The following SPTBN4 variants were observed in gnomAD, a reference collection of about 807,000 sequenced individuals.
SPTBN4 encodes the protein spectrin beta, non-erythrocytic 4.
Under a neutral mutation model 277.8 loss-of-function variants are expected in SPTBN4, and 96 were observed. The observed-to-expected ratio is 0.35, with a 90% CI of 0.29 to 0.41. The LOEUF is 0.41. SPTBN4 is among the 10% of genes least tolerant of loss of function. The pLI is 1.00. For synonymous variants in SPTBN4, 1,481 were observed against 1,580.3 expected (o/e 0.94, Z 1.49); for missense variants, 3,006 against 3,595.7 (o/e 0.84, Z 4.19).
At chr19:40,475,094 T>C (rs895891663) in intron 2 of SPTBN4, among the ~76,000 whole-genome samples, 14 of 152,066 alleles carry the variant, frequency 9.2e-5, no homozygotes, top group Admixed American at 5.3e-4. Context: ...TTTATAGTTA[T>C]AGAAAGACCT....
At chr19:40,504,687 A>C (rs1472473811) in intron 12 of SPTBN4, among the ~76,000 whole-genome samples, 2 of 151,702 alleles carry the variant, frequency 1.3e-5, no homozygotes, top group Non-Finnish European at 2.9e-5. Context: ...AAACAAAAAA[A>C]ACAAAAAACA....
Position 40,490,179 on chromosome 19 carries a change from G to C in SPTBN4, c.426G>C (p.Ser142=), listed in dbSNP as rs147052708. ...GCGTGCACCTGGAGAACGTGGGTTC[G>C]CATGACATCGTGGATGGGAATCACC... ...EQRVHLENVG[S]HDIVDGNHRL... The change falls in exon 4 of 36, where the codon TCG becomes TCC. Residue 142 remains serine, a synonymous_variant. Coordinates refer to ENST00000598249, the MANE Select transcript of SPTBN4 (RefSeq NM_020971.3). The surrounding 1 kb of genome is among the most constrained non-coding windows in gnomAD (Gnocchi z 4.3). 7 of 1,614,098 alleles carry C rather than the reference G, an allele frequency of 4.3e-6. No individual in the cohort carries two copies. The African/African-American group carries it at 8.0e-5, about 18-fold the overall frequency.
rs1273735919 is a variant in SPTBN4 at position 40,515,769 on chromosome 19, T to C, written c.2903+321T>C. 6.6e-6 allele frequency among the ~76,000 whole-genome samples: 1 copy of C among 151,592 alleles called. No homozygotes were observed. Among genetic ancestry groups the C allele is most frequent in the Non-Finnish European group, 1.5e-5 (1 of 67,962 alleles). Reference sequence around the variant, plus strand: ...CCGGGCACAGTGGCTCATACTGTAATCCCAGCACTTCAGGAGGCTGAGATG... The same window carrying C: ...CCGGGCACAGTGGCTCATACTGTAACCCCAGCACTTCAGGAGGCTGAGATG... On this transcript the variant is annotated intron_variant, in intron 15 of 35. Coordinates refer to ENST00000598249, the MANE Select transcript of SPTBN4 (RefSeq NM_020971.3). The surrounding 1 kb of genome is among the most constrained non-coding windows in gnomAD (Gnocchi z 4.1).
Position 40,565,755 on chromosome 19 carries a change from G to T in SPTBN4, c.6139+10G>T. 6.4e-7 allele frequency: 1 copy of T among 1,550,862 alleles called. No individual in the cohort carries two copies. Among genetic ancestry groups the T allele is most frequent in the Non-Finnish European group, 8.7e-7 (1 of 1,147,276 alleles). On this transcript the variant is annotated intron_variant, in intron 29 of 35. Coordinates refer to ENST00000598249, the MANE Select transcript of SPTBN4 (RefSeq NM_020971.3). ...GAGTGGCTGCAGCAGAGTGAGTGGG[G>T]GCCCAGGCACACGTGGTTCAAGGGC... is the stretch of plus-strand genomic sequence containing the variant.
At chr19:40,494,399 C>T (rs1033318551) in intron 5 of SPTBN4, among the ~76,000 whole-genome samples, 1 of 151,146 alleles carries the variant, frequency 6.6e-6, no homozygotes, top group Admixed American at 6.6e-5. Context: ...TTGCTCTCTC[C>T]CTGTCTTGAT....
intron 21 of SPTBN4, among the ~76,000 whole-genome samples, 169 bp from the exon 22 acceptor site, chr19:40,550,069 G>C (rs112785067): frequency 6.6e-6 from 1 of 151,154 alleles, no homozygotes; most frequent in African/African-American, 2.4e-5. Flanking sequence ...CTGGGGATTC[G>C]ATCCCATCTC....
intron 32 of SPTBN4, among the ~76,000 whole-genome samples, chr19:40,569,961 C>CACACACACACACAG (rs1186431817): frequency 6.9e-6 from 1 of 145,772 alleles, no homozygotes; most frequent in Non-Finnish European, 1.5e-5. Flanking sequence ...CACACACACA[C>CACACACACACACAG]ACACACACAC....
intron 7 of SPTBN4, among the ~76,000 whole-genome samples, chr19:40,499,473 T>G (rs1021053668): frequency 2.3e-4 from 35 of 152,102 alleles, no homozygotes; most frequent in African/African-American, 8.2e-4. Flanking sequence ...CACTACAGCT[T>G]CAACCTCCTG....
chr19:40,544,127 C>CTTTTTTTTTTT (rs10618096), intron 20 of SPTBN4, among the ~76,000 whole-genome samples: 116 of 128,760 alleles, frequency 9.0e-4, no homozygotes, highest in East Asian at 2.6e-3. Flanking sequence ...TCTTCTTCCT[C>CTTTTTTTTTTT]TTTTTTTTTT....
chr19:40,574,188 C>T (rs1389315057), intron 35 of SPTBN4, among the ~76,000 whole-genome samples: 3 of 152,192 alleles, frequency 2.0e-5, no homozygotes, highest in Admixed American at 6.5e-5. Context: ...GCCCAGGCCG[C>T]GGCCAGGGCA....
chr19:40,561,822 C>CAA lies in SPTBN4; in HGVS notation c.5915+1432_5915+1433dup, dbSNP rs59811599. Among the ~76,000 whole-genome samples the CAA allele has an allele frequency of 8.2e-3, 478 of 58,554 alleles. 3 individuals are homozygous for CAA. Among genetic ancestry groups the CAA allele is most frequent in the African/African-American group, 0.028 (457 of 16,172 alleles). 38.4% of individuals were successfully genotyped at this position (58,554 alleles called of 152,430 possible). The stretch of plus-strand genomic sequence containing the variant: ...GGGTGACAAGAGCAAAACTCCGTCT[C>CAA]AAAAAAAAAAAAAAGAAAAGAAAAA... On this transcript the variant is annotated intron_variant, in intron 27 of 35. Transcript: ENST00000598249.
intron 33 of SPTBN4, chr19:40,570,930 T>A: frequency 4.0e-6 from 2 of 500,950 alleles, no homozygotes; most frequent in East Asian, 4.0e-5. Flanking sequence ...TGGTTTAACG[T>A]CAGGCCCTCC....
chr19:40,528,997 C>A (rs559736552), intron 17 of SPTBN4, 44 bp from the exon 18 acceptor site: 17 of 1,553,692 alleles, frequency 1.1e-5, no homozygotes, highest in Admixed American at 1.7e-5. Context: ...CGCCGCACCC[C>A]CCAACCCGGG....
chr19:40,570,629 C>T lies in SPTBN4; in HGVS notation c.7220C>T (p.Ser2407Phe). 5 of 1,487,486 alleles carry T rather than the reference C, an allele frequency of 3.4e-6. No homozygotes were observed. Among genetic ancestry groups the T allele is most frequent in the African/African-American group, 1.5e-5 (1 of 68,876 alleles). The allele number at this position is 1,487,486 out of a possible 1,614,324, so 92.1% of individuals were successfully genotyped here. A position where few individuals can be genotyped will look rare whatever the true frequency, so the allele number is the denominator to read the frequency against. ...CGCTCCGCCCCGGCCCAGGGCGGCT[C>T]CGCCCCCGCGCCTCCGCCACCGCCC... ...RSRSAPAQGG[S>F]APAPPPPPTH... The change falls in exon 33 of 36, where the codon TCC becomes TTC. Residue 2407 changes from serine (S) to phenylalanine (F), a missense_variant. This residue lies in a region of SPTBN4 where 630 missense variants were observed against 677.6 expected (regional missense o/e 0.93). Coordinates refer to ENST00000598249, the MANE Select transcript of SPTBN4 (RefSeq NM_020971.3).
chr19:40,503,092 A>G (rs1251091751), intron 11 of SPTBN4, among the ~76,000 whole-genome samples, 159 bp downstream of exon 11: 1 of 152,030 alleles, frequency 6.6e-6, no homozygotes, highest in Non-Finnish European at 1.5e-5. Context: ...TGGCCTTCCA[A>G]GTGATTGTTG....
intron 13 of SPTBN4, among the ~76,000 whole-genome samples, chr19:40,509,975 C>T (rs999905368): frequency 6.6e-6 from 1 of 152,124 alleles, no homozygotes; most frequent in Non-Finnish European, 1.5e-5. Context: ...AGGAAGCTCC[C>T]TTTGCCCTCG....
chr19:40,536,949 T>C (rs1478498025), intron 20 of SPTBN4, among the ~76,000 whole-genome samples: 5 of 151,986 alleles, frequency 3.3e-5, no homozygotes, highest in Non-Finnish European at 7.4e-5. Flanking sequence ...CCATGCCTGA[T>C]TGATTTTTTT....
At chr19:40,476,959 C>T (rs4803344) in intron 2 of SPTBN4, among the ~76,000 whole-genome samples, 61,718 of 151,438 alleles carry the variant, frequency 0.41, 13,114 homozygotes, top group African/African-American at 0.45. Flanking sequence ...CTCAAACTCC[C>T]GGTGTCAACT....
Position 40,568,207 on chromosome 19 carries a change from A to C in SPTBN4, c.6881A>C (p.Glu2294Ala), listed in dbSNP as rs2081116369. Residue 2294 changes from glutamate to alanine, a missense_variant, in exon 31 of 36, where the codon GAG becomes GCG. Physicochemically the swap from Glu to Ala is moderately radical, Grantham distance 107. Around this residue, in one of 5 missense-constraint regions of SPTBN4, gnomAD observed 630 missense variants for 677.6 expected, o/e 0.93. Coordinates refer to ENST00000598249, the MANE Select transcript of SPTBN4 (RefSeq NM_020971.3). ...TATGAGCAGATGGAGCGGCGGCGCG[A>C]GCGGCGTGAGCGGCGCTTGGAGCGG... ...GRYEQMERRR[E>A]RRERRLERQE... 2 of 1,598,532 alleles carry C rather than the reference A, an allele frequency of 1.3e-6. No individual in the cohort carries two copies. The highest frequency in any genetic ancestry group is 1.3e-5 in the African/African-American group (1 of 74,526).
Sources: gnomAD v4.1 joint callset for allele counts (sites outside exome capture counted in the v4.1 genomes callset) on GRCh38, gnomAD v4.1.1 for gene constraint, gnomAD v4.1.1 regional missense constraint, Gnocchi (gnomAD v3.1) non-coding constraint, MANE v1.5 for transcripts, NCBI Gene and HGNC (gene_info 2026-07-23, HGNC 2026-07-21) for gene names.